AKAP13: variants seen among roughly 807,000 people sequenced by gnomAD.
AKAP13 encodes A-kinase anchoring protein 13, also known as A-kinase anchor protein 13.
Under a neutral mutation model 264.5 loss-of-function variants are expected in AKAP13, and 80 were observed. The ratio of observed to expected loss-of-function variants is 0.30; its 90% CI spans 0.25 to 0.36. The LOEUF is 0.36. Ranked by LOEUF, AKAP13 falls within the 10% of genes least tolerant of loss-of-function variation. AKAP13 has a pLI of 1.00. For missense variants in AKAP13, 3,712 were observed against 3,435.2 expected, an observed-to-expected ratio of 1.08 and a Z score of -2.01; for synonymous variants, 1,380 against 1,250.2, an observed-to-expected ratio of 1.10 and a Z score of -2.19.
intron 5 of AKAP13, among the ~76,000 whole-genome samples, chr15:85,551,982 G>A (rs918273920): frequency 6.6e-6 from 1 of 152,196 alleles, no homozygotes; most frequent in Non-Finnish European, 1.5e-5. Context: ...AGTGATTGGG[G>A]AAACAAGGAA....
intron 1 of AKAP13, among the ~76,000 whole-genome samples, chr15:85,422,910 A>T (rs1273884977): frequency 6.6e-6 from 1 of 152,234 alleles, no homozygotes; most frequent in East Asian, 1.9e-4. Context: ...TTGGTTTCAG[A>T]CTACTGGAAT....
At chr15:85,538,646 C>T (rs1304652992) in intron 4 of AKAP13, among the ~76,000 whole-genome samples, 5 of 149,756 alleles carry the variant, frequency 3.3e-5, no homozygotes, top group Non-Finnish European at 7.4e-5. Flanking sequence ...CCCGCCACCA[C>T]GCCCAGCTAA....
At chr15:85,672,871 A>C (rs1308705699) in intron 14 of AKAP13, among the ~76,000 whole-genome samples, 2 of 152,214 alleles carry the variant, frequency 1.3e-5, no homozygotes, top group Non-Finnish European at 2.9e-5. Context: ...CTCTGCCCAG[A>C]GCTTAAGCAA....
At chr15:85,418,657 G>A (rs1281484451) in intron 1 of AKAP13, among the ~76,000 whole-genome samples, 2 of 152,190 alleles carry the variant, frequency 1.3e-5, no homozygotes, top group East Asian at 1.9e-4. Context: ...ATGACAAAAA[G>A]TGATAAAGTA....
intron 1 of AKAP13, among the ~76,000 whole-genome samples, chr15:85,405,811 G>C (rs1238407483): frequency 6.6e-6 from 1 of 152,084 alleles, no homozygotes; most frequent in Non-Finnish European, 1.5e-5. Flanking sequence ...ACTCTCTGTT[G>C]CATGTCATAC....
rs144288070 is a variant in AKAP13 at position 85,580,628 on chromosome 15, G to A, written c.2560G>A (p.Ala854Thr). The change falls in exon 7 of 37, where the codon GCA becomes ACA. Residue 854 changes from alanine to threonine, a missense_variant. Around this residue, in one of 3 missense-constraint regions of AKAP13, gnomAD observed 2,759 missense variants for 2,411.7 expected, o/e 1.14. Transcript: ENST00000394518. ...AVGLSTSSTA[A>T]ELQHGMGNTS... ...AGGCCTGTCCACATCCTCCACTGCT[G>A]CAGAGCTTCAGCACGGGATGGGGAA... is the stretch of plus-strand genomic sequence containing the variant. 27 of 1,614,214 alleles carry A rather than the reference G, an allele frequency of 1.7e-5. No homozygotes were observed. The African/African-American group carries it at 3.3e-4, about 20-fold the overall frequency.
intron 1 of AKAP13, among the ~76,000 whole-genome samples, chr15:85,453,533 G>A (rs762764775): frequency 6.6e-6 from 1 of 152,216 alleles, no homozygotes; most frequent in Non-Finnish European, 1.5e-5. Context: ...ACCTGTTGCT[G>A]GTCCAAAGGC....
chr15:85,482,979 C>A (rs1257846717), intron 1 of AKAP13, among the ~76,000 whole-genome samples: 1 of 152,194 alleles, frequency 6.6e-6, no homozygotes, highest in African/African-American at 2.4e-5. Flanking sequence ...ACTTTGTCAT[C>A]CCTCTTTTAA....
chr15:85,497,943 G>A (rs79033758), intron 2 of AKAP13, among the ~76,000 whole-genome samples: 4,295 of 152,088 alleles, frequency 0.028, 175 homozygotes, highest in Admixed American at 0.13. Flanking sequence ...TCACTTCACC[G>A]TTACAGCACA....
intron 8 of AKAP13, among the ~76,000 whole-genome samples, chr15:85,601,610 G>GTGTGTGTGTA (rs779543247): frequency 6.6e-5 from 8 of 121,880 alleles, no homozygotes; most frequent in African/African-American, 2.6e-4. Context: ...TGAATTCTTT[G>GTGTGTGTGTA]TGTGTGTGTG....
At chr15:85,692,541 A>G (rs2085348507) in intron 16 of AKAP13, among the ~76,000 whole-genome samples, 1 of 152,086 alleles carries the variant, frequency 6.6e-6, no homozygotes, top group Non-Finnish European at 1.5e-5. Context: ...TAGTGGTAGT[A>G]GTACCTGAAT....
In AKAP13 at chr15:85,633,612, C is replaced by T. The variant is rs893298855; in HGVS notation, c.4162-5762C>T. Among the ~76,000 whole-genome samples, 3 of 137,310 alleles carry T rather than the reference C, an allele frequency of 2.2e-5. No homozygotes were observed. In the Admixed American group the frequency reaches 2.5e-4, roughly 11 times the overall value. 90.1% of individuals were successfully genotyped at this position (137,310 alleles called of 152,430 possible). On this transcript the variant is annotated intron_variant, in intron 8 of 36. Coordinates refer to ENST00000394518, the MANE Select transcript of AKAP13 (RefSeq NM_007200.5). ...AGGCTGGAGTGCAGTGGCACAATCT[C>T]GGCTTACTGCAAGCTGAGCCTCCCG...
intron 4 of AKAP13, among the ~76,000 whole-genome samples, chr15:85,540,568 C>G (rs2077551474): frequency 1.3e-5 from 2 of 152,122 alleles, no homozygotes; most frequent in Non-Finnish European, 2.9e-5. Context: ...AGTTGAGTAA[C>G]TCAGATTACA....
At chr15:85,528,821 C>T (rs2077162634) in intron 3 of AKAP13, among the ~76,000 whole-genome samples, 2 of 152,178 alleles carry the variant, frequency 1.3e-5, no homozygotes, top group South Asian at 4.1e-4. Context: ...AAAGTTTGGG[C>T]TGTGTTTCTT....
At chr15:85,440,591 CTT>C (rs1185439960) in intron 1 of AKAP13, among the ~76,000 whole-genome samples, 1 of 152,164 alleles carries the variant, frequency 6.6e-6, no homozygotes, top group African/African-American at 2.4e-5. Flanking sequence ...ATAGATGACT[CTT>C]TTCAAAATCA....
chr15:85,611,061 A>G (rs1444372140), intron 8 of AKAP13, among the ~76,000 whole-genome samples: 1 of 152,200 alleles, frequency 6.6e-6, no homozygotes. Flanking sequence ...TCAGTCTACA[A>G]CTACGCCAGA....
intron 26 of AKAP13, 117 bp downstream of exon 26, chr15:85,723,437 C>T: frequency 1.4e-5 from 20 of 1,406,518 alleles, no homozygotes; most frequent in Non-Finnish European, 1.9e-5. Context: ...TCTCTAAACA[C>T]TACCCAGGAG....
chr15:85,498,247 G>C (rs1434866889), intron 2 of AKAP13, among the ~76,000 whole-genome samples: 5 of 136,034 alleles, frequency 3.7e-5, no homozygotes, highest in African/African-American at 5.5e-5. Context: ...CGAGATCATA[G>C]ATAAAACTTT....
rs16977806 is a variant in AKAP13 at position 85,394,439 on chromosome 15, C to A, written c.-12+13641C>A. On this transcript the variant is annotated intron_variant, in intron 1 of 36. Coordinates refer to ENST00000394518, the MANE Select transcript of AKAP13 (RefSeq NM_007200.5). ...AAATGTGAATTGTCCTTGATTCATCCCTTTGAGCATTTTGAAGGCCAGGAT... is the reference window on the plus strand; with the variant it reads ...AAATGTGAATTGTCCTTGATTCATCACTTTGAGCATTTTGAAGGCCAGGAT... 1.4e-4 allele frequency among the ~76,000 whole-genome samples: 22 copies of A among 152,260 alleles called. No individual in the cohort carries two copies. The East Asian group carries it at 3.7e-3, about 25-fold the overall frequency.
Sources: allele counts gnomAD v4.1 joint callset (sites outside exome capture counted in the v4.1 genomes callset), GRCh38; gene constraint gnomAD v4.1.1; regional missense constraint gnomAD v4.1.1; transcripts MANE v1.5; gene names NCBI Gene and HGNC (gene_info 2026-07-23, HGNC 2026-07-21).